Variants in MYO16 observed in about 807,000 individuals in gnomAD.
MYO16 encodes myosin XVI, also known as unconventional myosin-XVI.
Under a neutral mutation model 205.3 loss-of-function variants are expected in MYO16, and 94 were observed. The observed-to-expected ratio is 0.46, with a 90% CI of 0.39 to 0.54. The LOEUF (loss-of-function observed/expected upper bound fraction) is 0.54. MYO16 is among the 20% of genes least tolerant of loss of function. MYO16 has a pLI of 0.00. For missense variants in MYO16, 2,315 were observed against 2,387.5 expected, an observed-to-expected ratio of 0.97 and a Z score of 0.63; for synonymous variants, 988 against 954.0, an observed-to-expected ratio of 1.04 and a Z score of -0.66.
intron 14 of MYO16, among the ~76,000 whole-genome samples, chr13:108,889,386 A>C (rs1185607400): frequency 6.6e-6 from 1 of 152,232 alleles, no homozygotes; most frequent in African/African-American, 2.4e-5. Flanking sequence ...AATCAAACTC[A>C]GAAATTTTAC....
Position 108,793,622 on chromosome 13 carries a change from C to T in MYO16, c.723C>T (p.Asn241=), listed in dbSNP as rs868154709. 1.1e-5 allele frequency: 17 copies of T among 1,613,318 alleles called. No homozygotes were observed. Among genetic ancestry groups the T allele is most frequent in the Middle Eastern group, 1.7e-4 (1 of 6,056 alleles). ...LSSGGNVNEK[N]DEGVTLLHMA... is the part of the protein sequence containing the mutation. ...CTGGAGGAAATGTCAATGAGAAAAA[C>T]GATGAAGGAGTAACCCTGGTAAGTT... Residue 241 remains asparagine, a synonymous_variant, in exon 6 of 35, where the codon AAC becomes AAT. Coordinates refer to ENST00000457511, the MANE Select transcript of MYO16 (RefSeq NM_001198950.3).
At chr13:109,011,539 G>C (rs578187036) in intron 22 of MYO16, among the ~76,000 whole-genome samples, 2 of 136,700 alleles carry the variant, frequency 1.5e-5, no homozygotes, top group African/African-American at 5.5e-5. Flanking sequence ...GTTTGAGACA[G>C]AGTCTCGCTC....
chr13:109,198,558 A>T (rs545204851), intron 34 of MYO16, among the ~76,000 whole-genome samples: 8 of 152,288 alleles, frequency 5.3e-5, no homozygotes, highest in African/African-American at 1.9e-4. Flanking sequence ...AGAATATATT[A>T]TGTTATATTT....
At chr13:109,097,294 A>C (rs1566504486) in intron 27 of MYO16, among the ~76,000 whole-genome samples, 2 of 151,996 alleles carry the variant, frequency 1.3e-5, no homozygotes, top group Non-Finnish European at 2.9e-5. Context: ...ACACCATTGC[A>C]CTCCAGCCTG....
At chr13:108,648,212 A>G (rs1213569248) in intron 1 of MYO16, among the ~76,000 whole-genome samples, 2 of 152,224 alleles carry the variant, frequency 1.3e-5, no homozygotes, top group East Asian at 1.9e-4. Flanking sequence ...CTTAACTTAC[A>G]TGATCCAGTA....
chr13:108,941,446 G>A (rs941344687), intron 16 of MYO16, among the ~76,000 whole-genome samples: 22 of 152,086 alleles, frequency 1.4e-4, no homozygotes, highest in African/African-American at 5.3e-4. Flanking sequence ...GGAGGCCGAG[G>A]CGGGTGGACC....
In MYO16 at chr13:109,127,705, A is replaced by G. The variant is rs1004787910; in HGVS notation, c.4051+155A>G. 3 of 722,076 alleles carry G rather than the reference A, an allele frequency of 4.2e-6. No individual in the cohort carries two copies. The African/African-American group carries it at 5.3e-5, about 13-fold the overall frequency. 44.7% of individuals were successfully genotyped at this position (722,076 alleles called of 1,614,324 possible). On this transcript the variant is annotated intron_variant, in intron 31 of 34. Transcript: ENST00000457511. This position sits in a 1 kb window ranked among gnomAD's most constrained non-coding sequence, Gnocchi z 4.2. ...CCAGCAGCTCTTAATCATTAAATAT[A>G]AATAATATTTATTCAAATCTCTAAG...
Position 109,048,920 on chromosome 13 carries a change from T to A in MYO16, c.2872+1929T>A, listed in dbSNP as rs370781872. On this transcript the variant is annotated intron_variant, in intron 24 of 34. Transcript: ENST00000457511. ...GACACACAGCAAATACACTCATTAG[T>A]GCCTAAGATTAGAAGTAAAGTCTAC... The A allele has an allele frequency of 9.4e-5, 12 of 127,540 alleles. No individual in the cohort carries two copies. The East Asian group carries it at 3.1e-3, about 33-fold the overall frequency. 7.9% of individuals were successfully genotyped at this position (127,540 alleles called of 1,614,324 possible). A position where few individuals can be genotyped will look rare whatever the true frequency, so the allele number is the denominator to read the frequency against.
At chr13:108,723,947 C>A (rs1194048658) in intron 3 of MYO16, among the ~76,000 whole-genome samples, 2 of 152,110 alleles carry the variant, frequency 1.3e-5, no homozygotes, top group Admixed American at 1.3e-4. Flanking sequence ...CATCTTCTGA[C>A]CCAAGAACAC....
intron 31 of MYO16, among the ~76,000 whole-genome samples, chr13:109,136,424 C>T (rs1021561870): frequency 2.0e-5 from 3 of 152,278 alleles, no homozygotes; most frequent in Middle Eastern, 3.4e-3. Flanking sequence ...AAATTATTTG[C>T]CATCTGAAGA....
At chr13:108,939,573 C>T (rs1478888029) in intron 16 of MYO16, among the ~76,000 whole-genome samples, 2 of 152,168 alleles carry the variant, frequency 1.3e-5, no homozygotes, top group Non-Finnish European at 2.9e-5. Context: ...GGCTGAGGCA[C>T]ACTGAATGCC....
chr13:109,089,868 C>A lies in MYO16; in HGVS notation c.3336-10917C>A, dbSNP rs545821824. ...TCCCTTCTGTTTTTCCCTCACGCTC[C>A]ATTTTCAACTGCAGAAAGCTGCATG... is the stretch of plus-strand genomic sequence containing the variant. On this transcript the variant is annotated intron_variant, in intron 27 of 34. Transcript: ENST00000457511. Among the ~76,000 whole-genome samples the A allele has an allele frequency of 1.3e-4, 20 of 152,298 alleles. No individual in the cohort carries two copies. The South Asian group carries it at 4.1e-3, about 32-fold the overall frequency.
intron 4 of MYO16, among the ~76,000 whole-genome samples, chr13:108,783,469 A>G (rs901996089): frequency 1.3e-5 from 2 of 152,140 alleles, no homozygotes; most frequent in Non-Finnish European, 2.9e-5. Flanking sequence ...CTCAGATGAA[A>G]CTTTGGACTG....
intron 4 of MYO16, among the ~76,000 whole-genome samples, chr13:108,781,928 G>A (rs139820472): frequency 0.018 from 2,711 of 152,250 alleles, 33 homozygotes; most frequent in South Asian, 0.035. Context: ...CGCCTCCCCA[G>A]CCATGTGGAA....
chr13:108,552,453 C>T, the MYO16 span, among the ~76,000 whole-genome samples: 6 of 152,220 alleles, frequency 3.9e-5, no homozygotes, highest in Non-Finnish European at 8.8e-5. Context: ...ACTCTCTTCT[C>T]GGCTCTGCCT....
intron 9 of MYO16, among the ~76,000 whole-genome samples, chr13:108,838,132 T>C (rs1451245267): frequency 6.6e-6 from 1 of 152,162 alleles, no homozygotes. Flanking sequence ...AAACCTCAGC[T>C]CCAGTAGCAC....
At chr13:108,602,109 A>G (rs1337013870) in intron 1 of MYO16, among the ~76,000 whole-genome samples, 2 of 151,438 alleles carry the variant, frequency 1.3e-5, no homozygotes, top group East Asian at 3.9e-4. Context: ...ATGAAAAAAA[A>G]AAAAAAAAAA....
chr13:108,571,066 G>A, the MYO16 span, among the ~76,000 whole-genome samples: 1 of 151,794 alleles, frequency 6.6e-6, no homozygotes, highest in Non-Finnish European at 1.5e-5. Context: ...AGATTAGTAG[G>A]TTTTGATATT....
upstream of MYO16, among the ~76,000 whole-genome samples, chr13:108,594,920 G>T (rs1260072130): frequency 6.6e-6 from 1 of 152,202 alleles, no homozygotes; most frequent in Non-Finnish European, 1.5e-5. Flanking sequence ...ATTCACAGAG[G>T]CTGAGGGAGA....
Sources: gnomAD v4.1 joint callset for allele counts (sites outside exome capture counted in the v4.1 genomes callset) on GRCh38, gnomAD v4.1.1 for gene constraint, Gnocchi (gnomAD v3.1) non-coding constraint, MANE v1.5 for transcripts, NCBI Gene and HGNC (gene_info 2026-07-23, HGNC 2026-07-21) for gene names.